Variants in DNAJC13 observed in about 807,000 individuals in gnomAD.
The protein encoded by DNAJC13 is dnaJ homolog subfamily C member 13.
A neutral mutation model predicts 290.5 loss-of-function variants in DNAJC13; 75 were observed. That is an observed-to-expected ratio of 0.26 (90% CI 0.21 to 0.31). The LOEUF (loss-of-function observed/expected upper bound fraction) is 0.31, where lower values mean the gene tolerates loss of function less well. Ranked by LOEUF, DNAJC13 falls within the 10% of genes least tolerant of loss-of-function variation. DNAJC13 has a pLI of 1.00. For missense variants in DNAJC13, 2,260 were observed against 2,674.5 expected (o/e 0.85, Z 3.42); for synonymous variants, 862 against 892.0 (o/e 0.97, Z 0.60).
intron 51 of DNAJC13, 143 bp from the exon 52 acceptor site, chr3:132,525,467 C>A: frequency 1.3e-6 from 1 of 745,016 alleles, no homozygotes; most frequent in East Asian, 2.7e-5. Flanking sequence ...GTTCGTTGTT[C>A]TCTTAGGATT....
intron 22 of DNAJC13, 67 bp from the exon 23 acceptor site, chr3:132,477,722 A>G: frequency 2.7e-6 from 3 of 1,106,054 alleles, no homozygotes; most frequent in Non-Finnish European, 4.0e-6. Context: ...ACTATAAGAA[A>G]CAATTATTAG....
intron 9 of DNAJC13, 99 bp downstream of exon 9, chr3:132,454,256 T>C (rs1933514176): frequency 1.2e-6 from 1 of 811,734 alleles, no homozygotes. Flanking sequence ...AAATTTAAAA[T>C]CATTTAATTT....
chr3:132,436,917 A>T, intron 2 of DNAJC13, among the ~76,000 whole-genome samples: 1 of 147,118 alleles, frequency 6.8e-6, no homozygotes. Flanking sequence ...ACAGAGTCTC[A>T]CTCTGTTGCC....
chr3:132,497,792 A>T lies in DNAJC13; in HGVS notation c.4156+1129A>T, dbSNP rs80076745. On this transcript the variant is annotated intron_variant, in intron 36 of 55. Transcript: ENST00000260818. ...AGGGGTTTATACCCAAGAAGCTCTG[A>T]GGTGGAGGTCCTGATCTGACAGGAC... Among the ~76,000 whole-genome samples, 27 of 151,912 alleles carry T rather than the reference A, an allele frequency of 1.8e-4. No homozygotes were observed. In the East Asian group the frequency reaches 4.1e-3, roughly 23 times the overall value.
intron 6 of DNAJC13, among the ~76,000 whole-genome samples, chr3:132,451,220 G>A (rs1417105478): frequency 6.6e-6 from 1 of 152,104 alleles, no homozygotes; most frequent in Admixed American, 6.6e-5. Context: ...CCAGCACTTA[G>A]GGAGGCAGAG....
chr3:132,492,723 A>C, intron 33 of DNAJC13, 108 bp downstream of exon 33: 2 of 934,974 alleles, frequency 2.1e-6, no homozygotes, highest in South Asian at 3.2e-5. Flanking sequence ...TTTCTTAAGT[A>C]TTCCTTCTTA....
At chr3:132,521,924 A>T (rs759643910) in intron 48 of DNAJC13, among the ~76,000 whole-genome samples, 1 of 152,160 alleles carries the variant, frequency 6.6e-6, no homozygotes, top group Non-Finnish European at 1.5e-5. Context: ...AGCAACTGAC[A>T]TGATTTTATT....
intron 20 of DNAJC13, among the ~76,000 whole-genome samples, chr3:132,470,708 CAGA>C (rs1934192823): frequency 8.5e-6 from 1 of 117,052 alleles, no homozygotes; most frequent in African/African-American, 3.5e-5. Flanking sequence ...GCTGGCCGGG[CAGA>C]GGGGCTCCTC....
At chr3:132,535,616 G>A (rs1473508175) in intron 55 of DNAJC13, among the ~76,000 whole-genome samples, 2 of 152,222 alleles carry the variant, frequency 1.3e-5, no homozygotes, top group Non-Finnish European at 2.9e-5. Context: ...AGAGGCCAGG[G>A]TGAAGATGCT....
At chr3:132,433,092 C>A (rs1296576731) in intron 1 of DNAJC13, among the ~76,000 whole-genome samples, 1 of 152,124 alleles carries the variant, frequency 6.6e-6, no homozygotes, top group African/African-American at 2.4e-5. Flanking sequence ...GTACAAATGG[C>A]AATCTTGTTT....
intron 16 of DNAJC13, 23 bp from the exon 17 acceptor site, chr3:132,463,673 A>G: frequency 6.2e-7 from 1 of 1,605,252 alleles, no homozygotes; most frequent in Non-Finnish European, 8.5e-7. Context: ...CACCTTAGGG[A>G]TCATCTTACC....
At chr3:132,533,732 G>T (rs958003429) in intron 55 of DNAJC13, among the ~76,000 whole-genome samples, 1 of 152,138 alleles carries the variant, frequency 6.6e-6, no homozygotes, top group African/African-American at 2.4e-5. Flanking sequence ...CTACAGGAAA[G>T]CCTCTTCTAA....
chr3:132,423,658 T>C (rs1939019346), intron 1 of DNAJC13, among the ~76,000 whole-genome samples: 1 of 152,188 alleles, frequency 6.6e-6, no homozygotes, highest in Non-Finnish European at 1.5e-5. Context: ...GTAGGAATAA[T>C]AGGGATATTT....
chr3:132,434,581 G>A lies in DNAJC13; in HGVS notation c.31G>A (p.Ala11Thr). 6.2e-7 allele frequency: 1 copy of A among 1,611,750 alleles called. No individual in the cohort carries two copies. Among genetic ancestry groups the A allele is most frequent in the Non-Finnish European group, 8.5e-7 (1 of 1,179,124 alleles). Residue 11 changes from alanine (A) to threonine (T), a missense_variant, in exon 2 of 56, where the codon GCA becomes ACA. This residue lies in a region of DNAJC13 where 762 missense variants were observed against 964.1 expected (regional missense o/e 0.79). Transcript: ENST00000260818. The part of the protein sequence containing the change: MNIIRENKDL[A>T]CFYTTKHSWR... ...CATAATTAGGGAAAATAAGGATCTG[G>A]CATGTTTCTACACAACAAAACATTC...
chr3:132,509,841 T>TA (rs1935714026), intron 43 of DNAJC13, among the ~76,000 whole-genome samples: 1 of 152,184 alleles, frequency 6.6e-6, no homozygotes, highest in South Asian at 2.1e-4. Context: ...ATTGTACACT[T>TA]AATAGACCAC....
In DNAJC13 at chr3:132,495,093, A is replaced by T; in HGVS notation, c.3947A>T (p.Asp1316Val). 6.2e-7 allele frequency: 1 copy of T among 1,613,264 alleles called. No homozygotes were observed. The highest frequency in any genetic ancestry group is 8.5e-7 in the Non-Finnish European group (1 of 1,179,378). ...ACAATTTTCCTGTTTAACAGGCATG[A>T]TGAGAGCAAGATTAGGAAAGCTTAC... ...LNLPQGQGPH[D>V]ESKIRKAYFR... Residue 1316 changes from aspartate (D) to valine (V), a missense_variant, in exon 35 of 56, where the codon GAT becomes GTT. This residue lies in a region of DNAJC13 where 1,494 missense variants were observed against 1,693.7 expected (regional missense o/e 0.88). Coordinates refer to ENST00000260818, the MANE Select transcript of DNAJC13 (RefSeq NM_015268.4).
chr3:132,438,588 A>G (rs1252867120), intron 2 of DNAJC13, among the ~76,000 whole-genome samples: 1 of 152,178 alleles, frequency 6.6e-6, no homozygotes, highest in African/African-American at 2.4e-5. Context: ...GAAAGATTTT[A>G]TTGATTGTGG....
At chr3:132,528,626 T>G (rs1936328828) in intron 54 of DNAJC13, among the ~76,000 whole-genome samples, 1 of 152,240 alleles carries the variant, frequency 6.6e-6, no homozygotes, top group African/African-American at 2.4e-5. Flanking sequence ...TAGTGCTGCT[T>G]AAGATTAACT....
chr3:132,460,214 T>C (rs752724379), intron 13 of DNAJC13, 36 bp from the exon 14 acceptor site: 3 of 1,434,256 alleles, frequency 2.1e-6, no homozygotes, highest in Admixed American at 3.7e-5. Flanking sequence ...TGGGACTGCT[T>C]ATGAATTATC....
Sources: gnomAD v4.1 joint callset for allele counts (sites outside exome capture counted in the v4.1 genomes callset) on GRCh38, gnomAD v4.1.1 for gene constraint, gnomAD v4.1.1 regional missense constraint, MANE v1.5 for transcripts, NCBI Gene and HGNC (gene_info 2026-07-23, HGNC 2026-07-21) for gene names.